The following TLE6 variants were observed in gnomAD, a reference collection of about 807,000 sequenced individuals.
TLE6 encodes the protein TLE family member 6, subcortical maternal complex member, also known as transducin-like enhancer protein 6.
TLE6 carries 72 observed loss-of-function variants against 77.1 expected under a neutral mutation model. The ratio of observed to expected loss-of-function variants is 0.93; its 90% CI spans 0.77 to 1.14. TLE6 has a LOEUF of 1.14. TLE6 is among the 50% of genes most tolerant of loss of function. The probability of loss-of-function intolerance (pLI) is 0.00; values close to 1 mark genes in which losing one functional copy is unlikely to be tolerated. For synonymous variants in TLE6, 366 were observed against 287.3 expected (o/e 1.27, Z -2.77); for missense variants, 843 against 747.6 (o/e 1.13, Z -1.49).
In TLE6 at chr19:2,995,064, C is replaced by CT. The variant is rs946277595; in HGVS notation, c.*60_*61insT. ...CTTTTCATCCCCCCCCTTCCCCCCC[C>CT]CCAACAAGGGGGACATGGTGGAGGG... On this transcript the variant is annotated 3_prime_UTR_variant, in exon 17 of 17. Coordinates refer to ENST00000246112, the MANE Select transcript of TLE6 (RefSeq NM_001143986.2). The CT allele has an allele frequency of 2.0e-6, 2 of 1,023,364 alleles. No individual in the cohort carries two copies. The highest frequency in any genetic ancestry group is 4.1e-5 in the Admixed American group (2 of 48,690). 63.4% of individuals were successfully genotyped at this position (1,023,364 alleles called of 1,614,324 possible).
At chr19:2,990,652 A>AATAT (rs1331717864) in intron 13 of TLE6, among the ~76,000 whole-genome samples, 3 of 78,412 alleles carry the variant, frequency 3.8e-5, no homozygotes, top group African/African-American at 7.8e-5. Context: ...TATATATATA[A>AATAT]ATACATAAAT....
At chr19:2,981,373 G>T (rs1245411604) in intron 3 of TLE6, among the ~76,000 whole-genome samples, 165 bp from the exon 4 acceptor site, 1 of 151,004 alleles carries the variant, frequency 6.6e-6, no homozygotes, top group Non-Finnish European at 1.5e-5. Context: ...AGAATATACT[G>T]CATTAAAATC....
At chr19:2,993,948 G>GA (rs1568221365) in intron 15 of TLE6, 71 bp from the exon 16 acceptor site, 1 of 958,166 alleles carries the variant, frequency 1.0e-6, no homozygotes, top group Non-Finnish European at 1.6e-6. Flanking sequence ...AAAAAGGTGG[G>GA]TGGGGAGGAT....
chr19:2,991,870 C>A lies in TLE6; in HGVS notation c.1272C>A (p.Val424=). ...VRDLKGYPDG[V]KSIVVKGYNI... ...ACCTCAAGGGTTATCCTGATGGAGT[C>A]AAGAGTATCGTGGTCAAGGGCTACA... Residue 424 remains valine, a synonymous_variant, in exon 14 of 17, where the codon GTC becomes GTA. Transcript: ENST00000246112. 6.2e-7 allele frequency: 1 copy of A among 1,613,770 alleles called. No homozygotes were observed. The highest frequency in any genetic ancestry group is 1.1e-5 in the South Asian group (1 of 91,052).
In TLE6 at chr19:2,994,110, TGGGGGCAGGACC is replaced by T; in HGVS notation, c.1614+16_1614+27del. 2 of 1,458,344 alleles carry T rather than the reference TGGGGGCAGGACC, an allele frequency of 1.4e-6. No individual in the cohort carries two copies. The highest frequency in any genetic ancestry group is 1.8e-6 in the Non-Finnish European group (2 of 1,105,850). The allele number at this position is 1,458,344 out of a possible 1,614,324, so 90.3% of individuals were successfully genotyped here. On this transcript the variant is annotated intron_variant, in intron 16 of 16. Coordinates refer to ENST00000246112, the MANE Select transcript of TLE6 (RefSeq NM_001143986.2). ...AAGTGTTCGAGGTACTGCGGTGGGC[TGGGGGCAGGACC>T]CGGGGGTGGCCCCAAAGGGACCAGC...
At chr19:2,992,395 C>A (rs1441640130) in intron 14 of TLE6, among the ~76,000 whole-genome samples, 1 of 152,024 alleles carries the variant, frequency 6.6e-6, no homozygotes, top group African/African-American at 2.4e-5. Context: ...TCGCTTAAAC[C>A]CGGGAGGTGG....
At chr19:2,988,575 G>GT (rs2088969629) in intron 11 of TLE6, among the ~76,000 whole-genome samples, 1 of 152,068 alleles carries the variant, frequency 6.6e-6, no homozygotes, top group Non-Finnish European at 1.5e-5. Flanking sequence ...TCCAGCCTGA[G>GT]TGACAGCAAG....
At position 2,995,169 on chromosome 19, in the gene TLE6, C is replaced by T. The variant is rs1048023364; in HGVS notation, c.*165C>T. ...TCGCCATCACGTGTAATAAAGCACC[C>T]GGGAAAGGCAGAGTGTGGACGCGTC... On this transcript the variant is annotated 3_prime_UTR_variant, in exon 17 of 17. Transcript: ENST00000246112. 1.4e-5 allele frequency: 7 copies of T among 488,070 alleles called. No individual in the cohort carries two copies. The highest frequency in any genetic ancestry group is 2.2e-5 in the Non-Finnish European group (6 of 269,112). 30.2% of individuals were successfully genotyped at this position (488,070 alleles called of 1,614,324 possible).
intron 2 of TLE6, among the ~76,000 whole-genome samples, chr19:2,979,491 C>T (rs2145012403): frequency 6.6e-6 from 1 of 151,992 alleles, no homozygotes; most frequent in African/African-American, 2.4e-5. Flanking sequence ...AGGTGTTCTG[C>T]TCACCTCGGC....
intron 5 of TLE6, chr19:2,983,988 T>G (rs1229269949): frequency 6.6e-6 from 1 of 152,178 alleles, no homozygotes; most frequent in African/African-American, 2.4e-5. Context: ...CAGCCCCCAC[T>G]GCAGGGGGCC....
intron 2 of TLE6, among the ~76,000 whole-genome samples, chr19:2,979,211 C>T (rs1178752434): frequency 1.3e-5 from 2 of 152,066 alleles, no homozygotes; most frequent in African/African-American, 2.4e-5. Context: ...CTCAGCCTCC[C>T]AAAGTGCTGG....
chr19:2,978,096 C>G (rs2088714629), intron 1 of TLE6, 102 bp from the exon 2 acceptor site: 1 of 833,442 alleles, frequency 1.2e-6, no homozygotes, highest in Non-Finnish European at 1.9e-6. Context: ...TCCCTGGAGA[C>G]TTACCAAACT....
intron 16 of TLE6, 31 bp from the exon 17 acceptor site, chr19:2,994,869 C>T: frequency 7.2e-7 from 1 of 1,392,218 alleles, no homozygotes; most frequent in Non-Finnish European, 1.0e-6. Flanking sequence ...TGAGCCCTAC[C>T]CCAGCTCACT....
intron 2 of TLE6, 126 bp downstream of exon 2, chr19:2,978,410 G>A (rs1442359370): frequency 3.3e-6 from 3 of 898,020 alleles, no homozygotes; most frequent in Non-Finnish European, 3.5e-6. Context: ...AATACTGGTC[G>A]CTGCTACACT....
intron 5 of TLE6, among the ~76,000 whole-genome samples, chr19:2,983,025 C>G (rs1314272191): frequency 6.6e-6 from 1 of 152,106 alleles, no homozygotes; most frequent in Non-Finnish European, 1.5e-5. Flanking sequence ...GCCTTCCAGC[C>G]CTGCCTGTCC....
intron 2 of TLE6, among the ~76,000 whole-genome samples, chr19:2,979,289 C>T (rs1407051836): frequency 6.6e-6 from 1 of 150,646 alleles, no homozygotes; most frequent in Non-Finnish European, 1.5e-5. Flanking sequence ...TCTTGTTGCC[C>T]AGGCTGGAGT....
chr19:2,992,163 C>G (rs2089083105), intron 14 of TLE6, among the ~76,000 whole-genome samples, 179 bp downstream of exon 14: 1 of 151,996 alleles, frequency 6.6e-6, no homozygotes, highest in Non-Finnish European at 1.5e-5. Flanking sequence ...TAGTGAAACC[C>G]CATCTCCACT....
chr19:2,982,040 A>G, intron 4 of TLE6, 108 bp from the exon 5 acceptor site: 2 of 1,183,644 alleles, frequency 1.7e-6, no homozygotes, highest in Non-Finnish European at 2.4e-6. Flanking sequence ...GAAAACAAAA[A>G]TTTAAGGTGG....
chr19:2,987,484 G>T (rs2088941491), intron 8 of TLE6, 112 bp downstream of exon 8: 1 of 1,495,348 alleles, frequency 6.7e-7, no homozygotes. Flanking sequence ...CTTCCATCCT[G>T]CCCCTCGGGT....
Sources: gnomAD v4.1 joint callset for allele counts (sites outside exome capture counted in the v4.1 genomes callset) on GRCh38, gnomAD v4.1.1 for gene constraint, MANE v1.5 for transcripts, NCBI Gene and HGNC (gene_info 2026-07-23, HGNC 2026-07-21) for gene names.